The following OR2L2 variants were observed in gnomAD, a reference collection of about 807,000 sequenced individuals.
OR2L2 encodes the protein olfactory receptor 2L2.
For synonymous variants in OR2L2, 156 were observed against 135.4 expected (o/e 1.15, Z -1.06); for missense variants, 378 against 375.2 (o/e 1.01, Z -0.06).
rs550425105 is a variant in OR2L2 at position 248,041,103 on chromosome 1, G to T, written c.*1897G>T. 1.3e-5 allele frequency: 2 copies of T among 152,108 alleles called. No homozygotes were observed. The highest frequency in any genetic ancestry group is 6.5e-5 in the Admixed American group (1 of 15,274). 9.4% of individuals were successfully genotyped at this position (152,108 alleles called of 1,614,324 possible). ...AGGTAGTAGTTGCCTGATGTTGAAA[G>T]ATTTACCTAATCTCACATAAATAAC... is the stretch of plus-strand genomic sequence containing the variant. On this transcript the variant is annotated 3_prime_UTR_variant, in exon 3 of 3. Coordinates refer to ENST00000641771, the MANE Select transcript of OR2L2 (RefSeq NM_001385855.1).
intron 1 of OR2L2, among the ~76,000 whole-genome samples, chr1:248,033,278 A>C (rs1008934170): frequency 1.3e-5 from 2 of 152,148 alleles, no homozygotes; most frequent in African/African-American, 4.8e-5. Context: ...TAAGCATCCA[A>C]TTTCAATATT....
rs1169591155 is a variant in OR2L2, at chr1:248,038,774, G to C, written c.507G>C (p.Lys169Asn). Residue 169 changes from lysine (K) to asparagine (N), a missense_variant, in exon 3 of 3, where the codon AAG becomes AAC. Transcript: ENST00000641771. ...TVYALCIPYC[K>N]SRAINHFFCD... ...ATGCACTCTGTATCCCATATTGCAA[G>C]TCCAGAGCCATCAATCATTTTTTCT... 2.5e-6 allele frequency: 4 copies of C among 1,614,148 alleles called. No homozygotes were observed. The South Asian group carries it at 3.3e-5, about 13-fold the overall frequency.
Position 248,039,466 on chromosome 1 carries a change from G to A in OR2L2, c.*260G>A. 3.7e-6 allele frequency: 1 copy of A among 271,840 alleles called. No individual in the cohort carries two copies. Among genetic ancestry groups the A allele is most frequent in the Non-Finnish European group, 7.1e-6 (1 of 140,934 alleles). The allele number at this position is 271,840 out of a possible 1,614,324, so 16.8% of individuals were successfully genotyped here. A position where few individuals can be genotyped will look rare whatever the true frequency, so the allele number is the denominator to read the frequency against. On this transcript the variant is annotated 3_prime_UTR_variant, in exon 3 of 3. Coordinates refer to ENST00000641771, the MANE Select transcript of OR2L2 (RefSeq NM_001385855.1). ...ATGGATTTTGGCTCTTGTTGCCCAG[G>A]CTCTAATGCAATGGCGCAATCTCAG...
rs371244957 is a variant in OR2L2, at chr1:248,038,929, T to G, written c.662T>G (p.Leu221Arg). Residue 221 changes from leucine (L) to arginine (R), a missense_variant, in exon 3 of 3, where the codon CTC becomes CGC. Physicochemically the swap from Leu to Arg is moderately radical, Grantham distance 102 (BLOSUM62 -2). Transcript: ENST00000641771. The stretch of plus-strand genomic sequence containing the variant: ...ATTGCATGTTCCTATGGCCGGGTTC[T>G]CCTTGCTGTCTACCGCATGCACTCT... The part of the protein sequence containing the change: ...TGIACSYGRV[L>R]LAVYRMHSAE... The G allele has an allele frequency of 2.0e-5, 32 of 1,614,158 alleles. No individual in the cohort carries two copies. In the African/African-American group the frequency reaches 3.3e-4, roughly 17 times the overall value.
In OR2L2 at chr1:248,041,948, G is replaced by A. The variant is rs573689367; in HGVS notation, c.*2742G>A. The A allele has an allele frequency of 3.3e-5, 5 of 152,062 alleles. No individual in the cohort carries two copies. Among genetic ancestry groups the A allele is most frequent in the African/African-American group, 7.3e-5 (3 of 41,376 alleles). The allele number at this position is 152,062 out of a possible 1,614,324, so 9.4% of individuals were successfully genotyped here. On this transcript the variant is annotated 3_prime_UTR_variant, in exon 3 of 3. Transcript: ENST00000641771. ...CAACCATTGTGGAAGTCAGTGTGGCGATTCCTCAGGGATCTAGAACTAGAA... is the reference window on the plus strand; with the variant it reads ...CAACCATTGTGGAAGTCAGTGTGGCAATTCCTCAGGGATCTAGAACTAGAA...
At position 248,038,534 on chromosome 1, in the gene OR2L2, G is replaced by T. The variant is rs188757148; in HGVS notation, c.267G>T (p.Lys89Asn). Residue 89 changes from lysine to asparagine, a missense_variant, in exon 3 of 3, where the codon AAG becomes AAT. Coordinates refer to ENST00000641771, the MANE Select transcript of OR2L2 (RefSeq NM_001385855.1). ...KMVYDFLYGN[K>N]SISFTGCGIQ... ...TTTATGATTTTCTGTATGGAAACAA[G>T]TCTATCTCCTTCACTGGATGTGGGA... The T allele has an allele frequency of 2.8e-4, 455 of 1,614,186 alleles. 2 individuals carry two copies. The highest frequency in any genetic ancestry group is 3.6e-4 in the Non-Finnish European group (419 of 1,180,030).
Position 248,041,141 on chromosome 1 carries a change from G to T in OR2L2, c.*1935G>T, listed in dbSNP as rs1352022895. ...TCACATAAATAACCAAAACAGCATG[G>T]TACTGGTACCAAAACAGAAATATAG... On this transcript the variant is annotated 3_prime_UTR_variant, in exon 3 of 3. Coordinates refer to ENST00000641771, the MANE Select transcript of OR2L2 (RefSeq NM_001385855.1). The T allele has an allele frequency of 6.6e-6, 1 of 152,070 alleles. No homozygotes were observed. Among genetic ancestry groups the T allele is most frequent in the East Asian group, 1.9e-4 (1 of 5,196 alleles). The allele number at this position is 152,070 out of a possible 1,614,324, so 9.4% of individuals were successfully genotyped here. A position where few individuals can be genotyped will look rare whatever the true frequency, so the allele number is the denominator to read the frequency against.
Position 248,038,986 on chromosome 1 carries a change from G to A in OR2L2, c.719G>A (p.Cys240Tyr), listed in dbSNP as rs1662860375. The A allele has an allele frequency of 3.1e-6, 5 of 1,613,944 alleles. No homozygotes were observed. Among genetic ancestry groups the A allele is most frequent in the Non-Finnish European group, 3.4e-6 (4 of 1,180,002 alleles). The change falls in exon 3 of 3, where the codon TGT becomes TAT. Residue 240 changes from cysteine (C) to tyrosine (Y), a missense_variant. By Grantham distance (194) the Cys-to-Tyr change is radical. Coordinates refer to ENST00000641771, the MANE Select transcript of OR2L2 (RefSeq NM_001385855.1). ...AEGRKKAYST[C>Y]STHLTVVSFY... The stretch of plus-strand genomic sequence containing the variant: ...GGGAGGAAGAAGGCCTATTCAACCT[G>A]TAGCACCCACCTCACTGTAGTGTCC...
intron 2 of OR2L2, among the ~76,000 whole-genome samples, chr1:248,037,265 A>G (rs1468177772): frequency 6.6e-6 from 1 of 152,226 alleles, no homozygotes; most frequent in East Asian, 1.9e-4. Flanking sequence ...AGACAATTCA[A>G]GAAGGAAATA....
chr1:248,033,684 C>T (rs1662681004), intron 1 of OR2L2, among the ~76,000 whole-genome samples: 1 of 150,620 alleles, frequency 6.6e-6, no homozygotes, highest in African/African-American at 2.4e-5. Flanking sequence ...TCAAGCAATT[C>T]TGCCTGCCTT....
rs1662836096 is a variant in OR2L2 at position 248,038,580 on chromosome 1, A to G, written c.313A>G (p.Thr105Ala). 1 of 1,614,086 alleles carries G rather than the reference A, an allele frequency of 6.2e-7. No homozygotes were observed. Among genetic ancestry groups the G allele is most frequent in the African/African-American group, 1.3e-5 (1 of 75,006 alleles). ...TGGGATTCAGAGTTTCTTCTTCTTG[A>G]CTTTAGCAGTTGCAGAAGGGCTGCT... ...GCGIQSFFFL[T>A]LAVAEGLLLT... Residue 105 changes from threonine (T) to alanine (A), a missense_variant, in exon 3 of 3, where the codon ACT (threonine) becomes GCT (alanine). Coordinates refer to ENST00000641771, the MANE Select transcript of OR2L2 (RefSeq NM_001385855.1).
intron 2 of OR2L2, among the ~76,000 whole-genome samples, chr1:248,037,718 T>C (rs1662803833): frequency 6.6e-6 from 1 of 152,194 alleles, no homozygotes; most frequent in African/African-American, 2.4e-5. Flanking sequence ...CTTACTATTC[T>C]ATAAGTAGTC....
chr1:248,039,309 G>T lies in OR2L2; in HGVS notation c.*103G>T. On this transcript the variant is annotated 3_prime_UTR_variant, in exon 3 of 3. Transcript: ENST00000641771. Reference sequence around the variant, plus strand: ...TACATGCCCAGTGTGTCAAACAGAAGTTAATCTAGAAGAAATTTGTCTTTT... The same window carrying T: ...TACATGCCCAGTGTGTCAAACAGAATTTAATCTAGAAGAAATTTGTCTTTT... The T allele has an allele frequency of 9.2e-7, 1 of 1,082,708 alleles. No individual in the cohort carries two copies. The highest frequency in any genetic ancestry group is 1.9e-5 in the South Asian group (1 of 53,694). The allele number at this position is 1,082,708 out of a possible 1,614,324, so 67.1% of individuals were successfully genotyped here. A position where few individuals can be genotyped will look rare whatever the true frequency, so the allele number is the denominator to read the frequency against.
chr1:248,039,555 C>A lies in OR2L2; in HGVS notation c.*349C>A, dbSNP rs866906087. 2.4e-5 allele frequency: 4 copies of A among 167,292 alleles called. No individual in the cohort carries two copies. In the South Asian group the frequency reaches 4.5e-4, roughly 19 times the overall value. The allele number at this position is 167,292 out of a possible 1,614,324, so 10.4% of individuals were successfully genotyped here. A position where few individuals can be genotyped will look rare whatever the true frequency, so the allele number is the denominator to read the frequency against. On this transcript the variant is annotated 3_prime_UTR_variant, in exon 3 of 3. Transcript: ENST00000641771. Reference sequence around the variant, plus strand: ...CCTGCCTAGCCTCCTAAGTTAGCTGCGATTACAGGTGTGAGCCACCATGCC... The same window carrying A: ...CCTGCCTAGCCTCCTAAGTTAGCTGAGATTACAGGTGTGAGCCACCATGCC...
rs1235576353 is a variant in OR2L2 at position 248,038,867 on chromosome 1, G to C, written c.600G>C (p.Leu200Phe). 6 of 1,614,122 alleles carry C rather than the reference G, an allele frequency of 3.7e-6. No homozygotes were observed. The highest frequency in any genetic ancestry group is 5.1e-6 in the Non-Finnish European group (6 of 1,180,024). The change falls in exon 3 of 3, where the codon TTG (leucine) becomes TTC (phenylalanine). Residue 200 changes from leucine to phenylalanine, a missense_variant. By Grantham distance (22) the Leu-to-Phe change is conservative (BLOSUM62 0). Transcript: ENST00000641771. Reference protein sequence around the residue: ...DTWVYESTVFLSSTIFLVLPF... With the variant: ...DTWVYESTVFFSSTIFLVLPF... Reference sequence around the variant, plus strand: ...GGGTCTATGAGAGCACAGTGTTTTTGAGCAGCACCATCTTTCTTGTGCTTC... The same window carrying C: ...GGGTCTATGAGAGCACAGTGTTTTTCAGCAGCACCATCTTTCTTGTGCTTC...
intron 2 of OR2L2, among the ~76,000 whole-genome samples, chr1:248,036,841 T>C (rs1248530889): frequency 6.6e-6 from 1 of 152,196 alleles, no homozygotes. Flanking sequence ...GCTTCCCTAA[T>C]GCTTAGATTA....
intron 2 of OR2L2, among the ~76,000 whole-genome samples, chr1:248,036,782 A>G (rs185166104): frequency 1.0e-3 from 156 of 152,230 alleles, no homozygotes; most frequent in African/African-American, 3.6e-3. Context: ...GTGAATGGTC[A>G]TTTCTCCAAA....
intron 1 of OR2L2, among the ~76,000 whole-genome samples, chr1:248,034,490 G>A (rs1402540852): frequency 1.3e-5 from 2 of 152,030 alleles, no homozygotes; most frequent in Non-Finnish European, 2.9e-5. Context: ...TTTTAGCATG[G>A]TTTTTCTATT....
intron 2 of OR2L2, among the ~76,000 whole-genome samples, chr1:248,036,486 C>A (rs1662764754): frequency 6.6e-6 from 1 of 152,136 alleles, no homozygotes; most frequent in African/African-American, 2.4e-5. Context: ...ATAGTTTTAA[C>A]TCAGTGTACA....
Sources: gnomAD v4.1 joint callset for allele counts (sites outside exome capture counted in the v4.1 genomes callset) on GRCh38, gnomAD v4.1.1 for gene constraint, MANE v1.5 for transcripts, NCBI Gene and HGNC (gene_info 2026-07-23, HGNC 2026-07-21) for gene names.